Variants in TUBGCP3 observed in about 807,000 individuals in gnomAD.
The protein encoded by TUBGCP3 is tubulin gamma complex component 3, also known as gamma-tubulin complex component 3.
In TUBGCP3, 50 loss-of-function variants were observed where a neutral mutation model predicts 123.1. That is an observed-to-expected ratio of 0.41 (90% confidence interval 0.32 to 0.51). The LOEUF (loss-of-function observed/expected upper bound fraction) is 0.51. Among genes scored for constraint, TUBGCP3 ranks in the 20% least tolerant of loss-of-function variants. The pLI, the probability that TUBGCP3 is intolerant of heterozygous loss-of-function variation, is 0.36. For synonymous variants in TUBGCP3, 405 were observed against 413.9 expected, an observed-to-expected ratio of 0.98 and a Z score of 0.26; for missense variants, 882 against 1,127.0, an observed-to-expected ratio of 0.78 and a Z score of 3.11.
chr13:112,499,539 T>A (rs1175948491), intron 19 of TUBGCP3, among the ~76,000 whole-genome samples: 1 of 152,008 alleles, frequency 6.6e-6, no homozygotes, highest in Non-Finnish European at 1.5e-5. Context: ...TAGCAGGTAG[T>A]AATGAGTAGA....
Position 112,556,138 on chromosome 13 carries a change from G to C in TUBGCP3, c.635C>G (p.Pro212Arg). 6.2e-7 allele frequency: 1 copy of C among 1,614,054 alleles called. No homozygotes were observed. Residue 212 changes from proline to arginine, a missense_variant, in exon 6 of 22, where the codon CCT becomes CGT. Transcript: ENST00000261965. The stretch of plus-strand genomic sequence containing the variant: ...TTTTGAGGTAGTGGCTTGTGAAGAA[G>C]GCTGATTTGCAGTTAAAGTCCATGC... ...RLAWTLTANQ[P>R]SSQATTSKGV...
intron 17 of TUBGCP3, among the ~76,000 whole-genome samples, chr13:112,507,549 T>C (rs531473170): frequency 9.8e-5 from 15 of 152,330 alleles, no homozygotes; most frequent in African/African-American, 3.6e-4. Context: ...AGCATACAAA[T>C]TTTTTGTGGC....
chr13:112,550,530 G>A (rs911227801), intron 8 of TUBGCP3, among the ~76,000 whole-genome samples: 1 of 152,166 alleles, frequency 6.6e-6, no homozygotes, highest in African/African-American at 2.4e-5. Context: ...CAGGGCTCCC[G>A]CTGGAGGTAC....
chr13:112,553,100 C>T (rs1246331792), intron 8 of TUBGCP3, among the ~76,000 whole-genome samples: 1 of 151,730 alleles, frequency 6.6e-6, no homozygotes, highest in Non-Finnish European at 1.5e-5. Flanking sequence ...ATGCTCCTCC[C>T]CACCAGCCAC....
chr13:112,546,535 A>T (rs1879005756), intron 10 of TUBGCP3: 4 of 152,408 alleles, frequency 2.6e-5, no homozygotes, highest in Admixed American at 2.6e-4. Context: ...TAGGGAGAGG[A>T]GTGACAGGAT....
At chr13:112,528,097 C>A (rs890418528) in intron 11 of TUBGCP3, among the ~76,000 whole-genome samples, 6 of 152,234 alleles carry the variant, frequency 3.9e-5, no homozygotes, top group Non-Finnish European at 8.8e-5. Flanking sequence ...GCATGCAGCT[C>A]CCCTGCCCTG....
chr13:112,590,419 A>G (rs9550158), upstream of TUBGCP3, among the ~76,000 whole-genome samples: 22,968 of 152,008 alleles, frequency 0.15, 2,027 homozygotes, highest in East Asian at 0.21. Context: ...TTCCCAGAAT[A>G]TAATGCAAGG....
At chr13:112,488,997 A>G (rs1879880015) in intron 21 of TUBGCP3, among the ~76,000 whole-genome samples, 3 of 122,428 alleles carry the variant, frequency 2.5e-5, no homozygotes, top group Non-Finnish European at 5.1e-5. Flanking sequence ...AGGTCCCCAC[A>G]CCCACCACAG....
intron 1 of TUBGCP3, among the ~76,000 whole-genome samples, chr13:112,576,032 A>G (rs1445069422): frequency 1.3e-5 from 2 of 152,270 alleles, no homozygotes; most frequent in African/African-American, 2.4e-5. Context: ...TACAGCAGTC[A>G]TAGGAAAATT....
intron 20 of TUBGCP3, among the ~76,000 whole-genome samples, chr13:112,494,499 AC>A: frequency 6.6e-6 from 1 of 152,318 alleles, no homozygotes. Flanking sequence ...GGCTCTCAGC[AC>A]CACAGGCCAC....
In TUBGCP3 at chr13:112,511,683, G is replaced by T. The variant is rs1299491294; in HGVS notation, c.2086+4757C>A. Reference sequence around the variant, plus strand: ...TTAAAAGGAAAACCAAAAAAAAAATGTAGTATGAGCTATTAAACCTTCATT... The same window carrying T: ...TTAAAAGGAAAACCAAAAAAAAAATTTAGTATGAGCTATTAAACCTTCATT... On this transcript the variant is annotated intron_variant, in intron 17 of 21. Coordinates refer to ENST00000261965, the MANE Select transcript of TUBGCP3 (RefSeq NM_006322.6). The surrounding 1 kb of genome is among the most constrained non-coding windows in gnomAD (Gnocchi z 4.1). Among the ~76,000 whole-genome samples the T allele has an allele frequency of 6.6e-6, 1 of 152,058 alleles. No individual in the cohort carries two copies. The highest frequency in any genetic ancestry group is 2.4e-5 in the African/African-American group (1 of 41,404).
intron 11 of TUBGCP3, among the ~76,000 whole-genome samples, chr13:112,535,563 T>G (rs981455818): frequency 1.3e-5 from 2 of 152,252 alleles, no homozygotes; most frequent in South Asian, 2.1e-4. Flanking sequence ...TTTCCTGTGC[T>G]TATTGTCCAT....
At chr13:112,596,577 T>C in the TUBGCP3 span, among the ~76,000 whole-genome samples, 5 of 152,322 alleles carry the variant, frequency 3.3e-5, no homozygotes, top group East Asian at 9.6e-4. Flanking sequence ...TGTCTTGACA[T>C]GGTTTCCTTG....
chr13:112,498,945 C>T (rs1373332726), intron 20 of TUBGCP3, 100 bp downstream of exon 20: 1 of 1,614,028 alleles, frequency 6.2e-7, no homozygotes, highest in African/African-American at 1.3e-5. Context: ...ACCTGTCTGA[C>T]AATTTTGGCA....
intron 17 of TUBGCP3, among the ~76,000 whole-genome samples, chr13:112,515,109 G>A (rs539206232): frequency 6.6e-6 from 1 of 152,248 alleles, no homozygotes; most frequent in African/African-American, 2.4e-5. Flanking sequence ...AAATTTATTA[G>A]TTATCTCCAA....
chr13:112,581,756 A>G (rs1276355264), intron 1 of TUBGCP3, among the ~76,000 whole-genome samples: 4 of 152,202 alleles, frequency 2.6e-5, no homozygotes, highest in Non-Finnish European at 4.4e-5. Context: ...AGTAAAAATT[A>G]TTTTTAGGTT....
chr13:112,593,221 C>T, the TUBGCP3 span, among the ~76,000 whole-genome samples: 3 of 152,226 alleles, frequency 2.0e-5, no homozygotes, highest in South Asian at 6.2e-4. Flanking sequence ...GAGTTTGTAA[C>T]AAGGCTGGCC....
intron 20 of TUBGCP3, among the ~76,000 whole-genome samples, chr13:112,492,053 G>T (rs2139189123): frequency 6.6e-6 from 1 of 152,340 alleles, no homozygotes; most frequent in East Asian, 1.9e-4. Context: ...GCCAGGCAGT[G>T]ACACTGTGTC....
In TUBGCP3 at chr13:112,548,195, T is replaced by C. The variant is rs1279214433; in HGVS notation, c.967-19A>G. The stretch of plus-strand genomic sequence containing the variant: ...AAAAGCTCTGTTTGGAGGAGAAATA[T>C]AATTAAAGCACGACACACTCATTAC... On this transcript the variant is annotated intron_variant, in intron 8 of 21. Transcript: ENST00000261965. 2 of 1,587,444 alleles carry C rather than the reference T, an allele frequency of 1.3e-6. No homozygotes were observed. The highest frequency in any genetic ancestry group is 1.7e-6 in the Non-Finnish European group (2 of 1,161,990).
Sources: allele counts gnomAD v4.1 joint callset (sites outside exome capture counted in the v4.1 genomes callset), GRCh38; gene constraint gnomAD v4.1.1; non-coding constraint Gnocchi (gnomAD v3.1); transcripts MANE v1.5; gene names NCBI Gene and HGNC (gene_info 2026-07-23, HGNC 2026-07-21).